Variants in MICAL3 observed in about 807,000 individuals in gnomAD.
MICAL3 encodes the protein [F-actin]-monooxygenase MICAL3.
Under a neutral mutation model 207.4 loss-of-function variants are expected in MICAL3, and 62 were observed. The observed-to-expected ratio is 0.30, with a 90% CI of 0.24 to 0.37. The LOEUF is 0.37. Ranked by LOEUF, MICAL3 falls within the 10% of genes least tolerant of loss-of-function variation. The probability of loss-of-function intolerance (pLI) is 1.00; values close to 1 mark genes in which losing one functional copy is unlikely to be tolerated. For missense variants in MICAL3, 2,368 were observed against 2,635.6 expected (o/e 0.90, Z 2.22); for synonymous variants, 1,077 against 1,069.3 (o/e 1.01, Z -0.14).
chr22:17,926,319 G>A (rs887345431), intron 1 of MICAL3, among the ~76,000 whole-genome samples: 2 of 152,210 alleles, frequency 1.3e-5, no homozygotes, highest in Non-Finnish European at 2.9e-5. Flanking sequence ...GGGGAGAAGC[G>A]TGAATCTGTA....
chr22:17,865,084 A>AT (rs1276441630), intron 18 of MICAL3, 98 bp from the exon 19 acceptor site: 1 of 736,200 alleles, frequency 1.4e-6, no homozygotes, highest in African/African-American at 2.4e-5. Flanking sequence ...CTGGTTTTAA[A>AT]TTTTATTTAT....
intron 16 of MICAL3, chr22:17,875,231 T>A (rs568681440): frequency 3.0e-6 from 1 of 338,114 alleles, no homozygotes; most frequent in Admixed American, 5.1e-5. Flanking sequence ...CAGATACAGT[T>A]GGATGAAAGC....
At chr22:17,845,107 G>A (rs1344927635) in intron 19 of MICAL3, among the ~76,000 whole-genome samples, 3 of 152,190 alleles carry the variant, frequency 2.0e-5, no homozygotes, top group African/African-American at 7.2e-5. Context: ...ATGAGAAAGG[G>A]AGATAAAGTC....
intron 20 of MICAL3, chr22:17,834,321 G>C: frequency 1.7e-6 from 2 of 1,191,028 alleles, no homozygotes; most frequent in Non-Finnish European, 2.1e-6. Context: ...TAGTGAATCA[G>C]CTTCACTTGT....
chr22:17,874,543 G>T (rs1299123942), intron 16 of MICAL3, among the ~76,000 whole-genome samples: 1 of 152,140 alleles, frequency 6.6e-6, no homozygotes, highest in Non-Finnish European at 1.5e-5. Context: ...CCGTGCAAAG[G>T]CATCTGCCAC....
rs373507715 is a variant in MICAL3 at position 17,791,528 on chromosome 22, C to T, written c.5651-227G>A. On this transcript the variant is annotated intron_variant, in intron 29 of 31. Coordinates refer to ENST00000441493, the MANE Select transcript of MICAL3 (RefSeq NM_015241.3). ...TCCCTGTTCACCCCGTCAGCGACCT[C>T]GCCAGCAGGGACCTTGCCCTCCCCG... 7.4e-4 allele frequency: 423 copies of T among 571,264 alleles called. 6 individuals carry two copies. The South Asian group carries it at 7.7e-3, about 10-fold the overall frequency. 35.4% of individuals were successfully genotyped at this position (571,264 alleles called of 1,614,324 possible).
chr22:17,929,298 T>C (rs1429912226), intron 1 of MICAL3, among the ~76,000 whole-genome samples: 3 of 145,690 alleles, frequency 2.1e-5, no homozygotes, highest in African/African-American at 7.6e-5. Flanking sequence ...AGGCAAAGTC[T>C]AGTTCTGTTG....
At chr22:17,893,659 C>G (rs992735939) in intron 11 of MICAL3, 149 bp downstream of exon 11, 7 of 631,330 alleles carry the variant, frequency 1.1e-5, no homozygotes, top group African/African-American at 1.1e-4. Context: ...CAAGTATCCC[C>G]TGGAGGGCAA....
chr22:17,809,963 A>G (rs950612716), intron 28 of MICAL3, among the ~76,000 whole-genome samples: 52 of 151,096 alleles, frequency 3.4e-4, no homozygotes, highest in African/African-American at 1.2e-3. Context: ...ATCTAGGCTC[A>G]CTGAAATCTC....
At chr22:17,873,618 G>C (rs561206780) in intron 16 of MICAL3, among the ~76,000 whole-genome samples, 4 of 152,372 alleles carry the variant, frequency 2.6e-5, no homozygotes, top group African/African-American at 9.6e-5. Flanking sequence ...CCAGGAAGGT[G>C]GGAATGTGTT....
intron 1 of MICAL3, among the ~76,000 whole-genome samples, chr22:17,965,589 TACAGCG>T (rs1935110769): frequency 6.6e-6 from 1 of 152,190 alleles, no homozygotes; most frequent in Non-Finnish European, 1.5e-5. Flanking sequence ...AAGTATTTAA[TACAGCG>T]ATCAGCCTCA....
intron 19 of MICAL3, chr22:17,860,155 T>A (rs1414303896): frequency 1.0e-6 from 1 of 967,976 alleles, no homozygotes; most frequent in Non-Finnish European, 1.2e-6. Context: ...AACTCAGAAA[T>A]CCGAAGATTG....
intron 21 of MICAL3, 88 bp downstream of exon 21, chr22:17,831,766 G>T (rs530903056): frequency 1.3e-6 from 2 of 1,493,638 alleles, no homozygotes; most frequent in African/African-American, 2.8e-5. Context: ...TCCGTGTGAC[G>T]TCAGCCCCAG....
chr22:17,814,845 G>A (rs956252676), intron 27 of MICAL3: 38 of 147,078 alleles, frequency 2.6e-4, no homozygotes, highest in Admixed American at 2.4e-3. Context: ...CGTCCCGTAG[G>A]TCATCCATCC....
At chr22:17,912,102 AAC>A (rs1316330048) in intron 1 of MICAL3, among the ~76,000 whole-genome samples, 1 of 152,228 alleles carries the variant, frequency 6.6e-6, no homozygotes, top group Non-Finnish European at 1.5e-5. Flanking sequence ...CAGCCTGGGC[AAC>A]ATAGCAAGAC....
At chr22:17,898,946 G>C (rs1931097413) in intron 7 of MICAL3, among the ~76,000 whole-genome samples, 1 of 152,112 alleles carries the variant, frequency 6.6e-6, no homozygotes, top group Non-Finnish European at 1.5e-5. Context: ...TCCTCATCAG[G>C]CTCCCATAAA....
At chr22:17,907,517 T>A (rs568564698) in intron 1 of MICAL3, among the ~76,000 whole-genome samples, 15 of 152,202 alleles carry the variant, frequency 9.9e-5, no homozygotes, top group South Asian at 6.2e-4. Context: ...TACCGGGAAG[T>A]CGGTACAAAT....
Position 17,980,838 on chromosome 22 carries a change from G to A in MICAL3, c.-75+43443C>T, listed in dbSNP as rs757601612. On this transcript the variant is annotated intron_variant, in intron 1 of 31. Transcript: ENST00000441493. ...AGCCTCGCCCAGATGCGGCTGTGCT[G>A]GCCCGTCACCCTCAGTTCCTGCTCA... is the stretch of plus-strand genomic sequence containing the variant. The A allele has an allele frequency of 9.7e-6, 5 of 513,154 alleles. No homozygotes were observed. In the Admixed American group the frequency reaches 9.8e-5, roughly 10 times the overall value. 31.8% of individuals were successfully genotyped at this position (513,154 alleles called of 1,614,324 possible).
chr22:17,832,093 T>C lies in MICAL3; in HGVS notation c.2816A>G (p.Glu939Gly). Residue 939 changes from glutamate to glycine, a missense_variant, in exon 21 of 32, where the codon GAG (glutamate) becomes GGG (glycine). By Grantham distance (98) the Glu-to-Gly change is moderately conservative. Around this residue, in one of 4 missense-constraint regions of MICAL3, gnomAD observed 1,770 missense variants for 1,863.2 expected, o/e 0.95. Coordinates refer to ENST00000441493, the MANE Select transcript of MICAL3 (RefSeq NM_015241.3). ...EDVASSSSESEMEEEGEEEEE... is the reference protein window; with the variant it reads ...EDVASSSSESGMEEEGEEEEE... ...CTCCTCCTCTCCCTCCTCCTCCATC[T>C]CAGACTCGGAACTACTGTGAGGAAA... The C allele has an allele frequency of 6.4e-7, 1 of 1,574,196 alleles. No individual in the cohort carries two copies. Among genetic ancestry groups the C allele is most frequent in the Non-Finnish European group, 8.6e-7 (1 of 1,159,706 alleles).
Sources: allele counts gnomAD v4.1 joint callset (sites outside exome capture counted in the v4.1 genomes callset), GRCh38; gene constraint gnomAD v4.1.1; regional missense constraint gnomAD v4.1.1; transcripts MANE v1.5; gene names NCBI Gene and HGNC (gene_info 2026-07-23, HGNC 2026-07-21).